The following ATP2C1 variants were observed in gnomAD, a reference collection of about 807,000 sequenced individuals.
The protein encoded by ATP2C1 is calcium-transporting ATPase type 2C member 1.
A neutral mutation model predicts 120.5 loss-of-function variants in ATP2C1; 31 were observed. The observed-to-expected ratio is 0.26, with a 90% CI of 0.19 to 0.35. The LOEUF (loss-of-function observed/expected upper bound fraction) is 0.35, where lower values mean the gene tolerates loss of function less well. Among genes scored for constraint, ATP2C1 ranks in the 10% least tolerant of loss-of-function variants. ATP2C1 has a pLI of 1.00. For synonymous variants in ATP2C1, 351 were observed against 358.7 expected, an observed-to-expected ratio of 0.98 and a Z score of 0.24; for missense variants, 731 against 1,107.5, an observed-to-expected ratio of 0.66 and a Z score of 4.83.
At chr3:130,949,335 A>G (rs1224244696) in intron 8 of ATP2C1, among the ~76,000 whole-genome samples, 3 of 152,200 alleles carry the variant, frequency 2.0e-5, no homozygotes, top group Admixed American at 2.0e-4. Flanking sequence ...GATAAAACAT[A>G]AAAGCAGCCA....
intron 5 of ATP2C1, among the ~76,000 whole-genome samples, 180 bp from the exon 6 acceptor site, chr3:130,937,248 C>T (rs1231307890): frequency 6.6e-6 from 1 of 152,182 alleles, no homozygotes; most frequent in African/African-American, 2.4e-5. Flanking sequence ...TGGCAAGCCA[C>T]TGTAAACTGT....
Position 130,993,499 on chromosome 3 carries a change from A to G in ATP2C1, c.1891-433A>G, listed in dbSNP as rs372817609. On this transcript the variant is annotated intron_variant, in intron 21 of 27. Transcript: ENST00000510168. ...GAGTTTCTCAACCTTGGCACCATTG[A>G]CATTTTGGACTGGATAATTCCTTGT... Among the ~76,000 whole-genome samples, 6 of 152,318 alleles carry G rather than the reference A, an allele frequency of 3.9e-5. No homozygotes were observed. The East Asian group carries it at 7.7e-4, about 20-fold the overall frequency.
chr3:130,853,751 C>A (rs544849595), intron 1 of ATP2C1, among the ~76,000 whole-genome samples: 1 of 152,096 alleles, frequency 6.6e-6, no homozygotes, highest in Non-Finnish European at 1.5e-5. Context: ...GATTTCATGT[C>A]GATATTCGTG....
intron 11 of ATP2C1, among the ~76,000 whole-genome samples, chr3:130,958,952 C>G (rs1002124852): frequency 1.3e-5 from 2 of 151,956 alleles, no homozygotes; most frequent in African/African-American, 4.8e-5. Flanking sequence ...TATGAACATA[C>G]TGGTAATTTT....
intron 2 of ATP2C1, chr3:130,918,315 CT>C (rs1395582294): frequency 1.3e-5 from 20 of 1,564,948 alleles, no homozygotes; most frequent in Non-Finnish European, 1.7e-5. Context: ...ATTTCACCTT[CT>C]TTTTCAGTCA....
intron 1 of ATP2C1, among the ~76,000 whole-genome samples, chr3:130,858,757 G>T (rs1366988798): frequency 6.6e-6 from 1 of 152,174 alleles, no homozygotes; most frequent in African/African-American, 2.4e-5. Flanking sequence ...GACTGCTTTT[G>T]TATATGTGTT....
At chr3:130,948,595 A>C (rs747913205) in intron 8 of ATP2C1, among the ~76,000 whole-genome samples, 1 of 152,022 alleles carries the variant, frequency 6.6e-6, no homozygotes, top group African/African-American at 2.4e-5. Flanking sequence ...AAGTTGGGGA[A>C]GTTTTCAGCC....
intron 18 of ATP2C1, among the ~76,000 whole-genome samples, chr3:130,976,009 C>G (rs2108747128): frequency 6.6e-6 from 1 of 152,200 alleles, no homozygotes; most frequent in South Asian, 2.1e-4. Context: ...GCCACCTCTC[C>G]TAGGGATGTC....
intron 1 of ATP2C1, among the ~76,000 whole-genome samples, chr3:130,852,352 A>C (rs1270867136): frequency 6.6e-6 from 1 of 151,952 alleles, no homozygotes; most frequent in Admixed American, 6.6e-5. Flanking sequence ...TTTTTTTCTC[A>C]GTATTGTAAG....
At chr3:130,926,720 C>T (rs1292413665) in intron 2 of ATP2C1, among the ~76,000 whole-genome samples, 1 of 152,248 alleles carries the variant, frequency 6.6e-6, no homozygotes, top group African/African-American at 2.4e-5. Context: ...GCTCACATAC[C>T]AGGTCTCTCA....
intron 8 of ATP2C1, among the ~76,000 whole-genome samples, chr3:130,948,543 T>G (rs1278777985): frequency 6.6e-6 from 1 of 152,102 alleles, no homozygotes; most frequent in Non-Finnish European, 1.5e-5. Flanking sequence ...TATATTTGGA[T>G]TTCATTGAGC....
chr3:130,924,512 C>T (rs2059115846), intron 2 of ATP2C1, among the ~76,000 whole-genome samples: 1 of 152,162 alleles, frequency 6.6e-6, no homozygotes, highest in Non-Finnish European at 1.5e-5. Context: ...AAGATTCTTT[C>T]CTTCATCTTG....
chr3:130,905,096 C>A (rs2058062250), intron 2 of ATP2C1, among the ~76,000 whole-genome samples: 1 of 151,948 alleles, frequency 6.6e-6, no homozygotes, highest in African/African-American at 2.4e-5. Flanking sequence ...ATGGAATCAA[C>A]CATTTTTCCA....
chr3:130,988,942 CA>C (rs970596089), intron 20 of ATP2C1, among the ~76,000 whole-genome samples: 2 of 151,984 alleles, frequency 1.3e-5, no homozygotes, highest in African/African-American at 4.8e-5. Flanking sequence ...GTAGTGTTAC[CA>C]AATTCTTTTA....
At chr3:130,876,079 T>C (rs1433949796) in intron 1 of ATP2C1, among the ~76,000 whole-genome samples, 3 of 152,126 alleles carry the variant, frequency 2.0e-5, no homozygotes, top group Non-Finnish European at 4.4e-5. Context: ...CTACAGGTTG[T>C]CTCTTCATTT....
At chr3:130,944,558 C>T (rs995448456) in intron 8 of ATP2C1, among the ~76,000 whole-genome samples, 5 of 152,068 alleles carry the variant, frequency 3.3e-5, no homozygotes, top group African/African-American at 9.7e-5. Flanking sequence ...GCCTCATGAC[C>T]GCATCTAACC....
At chr3:130,883,476 TTC>T (rs148955007) in intron 1 of ATP2C1, among the ~76,000 whole-genome samples, 102,867 of 147,858 alleles carry the variant, frequency 0.7, 36,237 homozygotes, top group Non-Finnish European at 0.75. Context: ...TTTTTTTTTT[TTC>T]TCCACAGAGT....
intron 2 of ATP2C1, among the ~76,000 whole-genome samples, chr3:130,924,853 G>A (rs1236262188): frequency 1.3e-5 from 2 of 151,782 alleles, no homozygotes; most frequent in Non-Finnish European, 2.9e-5. Context: ...CTGCTTGTTC[G>A]ATTCTATTGC....
chr3:130,930,556 GATGGTGTAAAGTC>G, intron 3 of ATP2C1, 30 bp downstream of exon 3: 4 of 1,374,044 alleles, frequency 2.9e-6, no homozygotes, highest in East Asian at 4.6e-5. Flanking sequence ...GAAGGGACTA[GATGGTGTAAAGTC>G]AGTCACTTAG....
Sources: allele counts gnomAD v4.1 joint callset (sites outside exome capture counted in the v4.1 genomes callset), GRCh38; gene constraint gnomAD v4.1.1; transcripts MANE v1.5; gene names NCBI Gene and HGNC (gene_info 2026-07-23, HGNC 2026-07-21).